THNSL2: variants seen among roughly 807,000 people sequenced by gnomAD.
THNSL2 encodes the protein threonine synthase-like 2.
THNSL2 carries 34 observed loss-of-function variants against 40.0 expected under a neutral mutation model. That is an observed-to-expected ratio of 0.85 (90% CI 0.65 to 1.13). THNSL2 has a LOEUF of 1.13. Ranked by LOEUF, THNSL2 falls within the 50% of genes most tolerant of loss-of-function variation. The pLI is 0.00. For missense variants in THNSL2, 537 were observed against 608.8 expected (o/e 0.88, Z 1.24); for synonymous variants, 241 against 247.5 (o/e 0.97, Z 0.25).
chr2:88,178,078 T>C (rs1047712617), intron 4 of THNSL2, among the ~76,000 whole-genome samples: 4 of 151,838 alleles, frequency 2.6e-5, no homozygotes, highest in Non-Finnish European at 5.9e-5. Context: ...CATACTCGGG[T>C]ATCAGATAAG....
At position 88,170,370 on chromosome 2, in the gene THNSL2, G is replaced by A. The variant is rs574134685; in HGVS notation, c.-99G>A. The A allele has an allele frequency of 4.7e-5, 7 of 149,676 alleles. 1 individual carries two copies. The highest frequency in any genetic ancestry group is 4.6e-4 in the Admixed American group (7 of 15,094). The allele number at this position is 149,676 out of a possible 1,614,324, so 9.3% of individuals were successfully genotyped here. A position where few individuals can be genotyped will look rare whatever the true frequency, so the allele number is the denominator to read the frequency against. Reference sequence around the variant, plus strand: ...CACCGTCAGGGACGCGGACTCGGGAGTGCGCACATTCGCAGCCCGGGCAGC... The same window carrying A: ...CACCGTCAGGGACGCGGACTCGGGAATGCGCACATTCGCAGCCCGGGCAGC... On this transcript the variant is annotated 5_prime_UTR_variant, in exon 1 of 9. It adds an upstream start codon to the 5' untranslated region. Coordinates refer to ENST00000674334, the MANE Select transcript of THNSL2 (RefSeq NM_018271.5).
At position 88,178,950 on chromosome 2, in the gene THNSL2, G is replaced by A. The variant is rs770991533; in HGVS notation, c.739G>A (p.Asp247Asn). ...TTACTTCCAGTGTACGCCATCCTTGGACACACATCCCCTACCCCTGGTGGA... is the reference window on the plus strand; with the variant it reads ...TTACTTCCAGTGTACGCCATCCTTGAACACACATCCCCTACCCCTGGTGGA... ...FAYFQCTPSL[D>N]THPLPLVEVV... Residue 247 changes from aspartate to asparagine, a missense_variant, in exon 5 of 9, where the codon GAC becomes AAC. Physicochemically the swap from Asp to Asn is conservative, Grantham distance 23 (BLOSUM62 1). Transcript: ENST00000674334. 20 of 1,614,108 alleles carry A rather than the reference G, an allele frequency of 1.2e-5. No individual in the cohort carries two copies. Among genetic ancestry groups the A allele is most frequent in the Non-Finnish European group, 1.2e-5 (14 of 1,180,054 alleles).
chr2:88,175,103 G>A (rs1455106315), intron 3 of THNSL2, 146 bp from the exon 4 acceptor site: 1 of 937,532 alleles, frequency 1.1e-6, no homozygotes, highest in Non-Finnish European at 1.6e-6. Context: ...TGGATCCATG[G>A]ACCCTAGGTG....
chr2:88,181,072 C>A, intron 5 of THNSL2, among the ~76,000 whole-genome samples: 1 of 151,534 alleles, frequency 6.6e-6, no homozygotes. Context: ...TGATGCACTC[C>A]TAGTCATTCC....
intron 5 of THNSL2, among the ~76,000 whole-genome samples, chr2:88,181,593 G>A (rs1181646478): frequency 7.5e-6 from 1 of 134,058 alleles, no homozygotes; most frequent in African/African-American, 2.8e-5. Flanking sequence ...GTGTGTGTGT[G>A]TCTGTAACAG....
chr2:88,175,439 C>G (rs1676824120), intron 4 of THNSL2, 38 bp downstream of exon 4: 5 of 1,604,354 alleles, frequency 3.1e-6, no homozygotes, highest in Non-Finnish European at 4.3e-6. Context: ...ACAGTGCAGC[C>G]CTGCCTTAAT....
At chr2:88,175,104 A>G in intron 3 of THNSL2, 145 bp from the exon 4 acceptor site, 1 of 941,968 alleles carries the variant, frequency 1.1e-6, no homozygotes, top group Non-Finnish European at 1.6e-6. Context: ...GGATCCATGG[A>G]CCCTAGGTGG....
intron 1 of THNSL2, among the ~76,000 whole-genome samples, chr2:88,170,916 C>G (rs1676300210): frequency 6.6e-6 from 1 of 152,132 alleles, no homozygotes; most frequent in Non-Finnish European, 1.5e-5. Flanking sequence ...CTGAGGGGCG[C>G]CTGTCTACCC....
In THNSL2 at chr2:88,185,967, G is replaced by C; in HGVS notation, c.1299G>C (p.Leu433=). Residue 433 remains leucine (L), a synonymous_variant, in exon 9 of 9, where the codon CTG becomes CTC. Transcript: ENST00000674334. Reference sequence around the variant, plus strand: ...CGGAAGCTGTCCTGGCTGCTGGCCTGACCCCTGAGACTCCCGCGGAGATCG... The same window carrying C: ...CGGAAGCTGTCCTGGCTGCTGGCCTCACCCCTGAGACTCCCGCGGAGATCG... ...KFPEAVLAAG[L]TPETPAEIVA... 6.2e-7 allele frequency: 1 copy of C among 1,613,094 alleles called. No homozygotes were observed. Among genetic ancestry groups the C allele is most frequent in the Non-Finnish European group, 8.5e-7 (1 of 1,179,780 alleles).
At position 88,170,419 on chromosome 2, in the gene THNSL2, C is replaced by CA. The variant is rs1426744204; in HGVS notation, c.-50_-49insA. The CA allele has an allele frequency of 9.4e-3, 509 of 54,146 alleles. 3 individuals are homozygous for CA. Among genetic ancestry groups the CA allele is most frequent in the South Asian group, 0.027 (86 of 3,162 alleles). 3.4% of individuals were successfully genotyped at this position (54,146 alleles called of 1,614,324 possible). A position where few individuals can be genotyped will look rare whatever the true frequency, so the allele number is the denominator to read the frequency against. On this transcript the variant is annotated 5_prime_UTR_variant, in exon 1 of 9. Coordinates refer to ENST00000674334, the MANE Select transcript of THNSL2 (RefSeq NM_018271.5). ...GCCCTGCTGCGCACCGGGCCTCGCG[C>CA]CCCGCGCCCCGCGCCCCGCGCCCCG...
intron 5 of THNSL2, among the ~76,000 whole-genome samples, chr2:88,179,519 C>T (rs1677309594): frequency 6.6e-6 from 1 of 152,188 alleles, no homozygotes. Context: ...GGCTGTGGAG[C>T]AGTCCTTTAG....
chr2:88,174,716 G>T lies in THNSL2; in HGVS notation c.301G>T (p.Val101Leu), dbSNP rs1464134346. The T allele has an allele frequency of 1.9e-6, 3 of 1,614,202 alleles. No homozygotes were observed. The Admixed American group carries it at 5.0e-5, about 27-fold the overall frequency. The change falls in exon 3 of 9, where the codon GTG (valine) becomes TTG (leucine). Residue 101 changes from valine (V) to leucine (L), a missense_variant. Val to Leu is a conservative substitution (Grantham distance 32, BLOSUM62 1). Transcript: ENST00000674334. ...GTCCAGGTTGAGGAATGGGCTGAAC[G>T]TGTTGGAGCTGTGGCATGGCGTCAC... The part of the protein sequence containing the change: ...HLSRLRNGLN[V>L]LELWHGVTYA...
chr2:88,178,663 G>C, intron 4 of THNSL2, 120 bp from the exon 5 acceptor site: 1 of 946,684 alleles, frequency 1.1e-6, no homozygotes, highest in Non-Finnish European at 1.6e-6. Flanking sequence ...AGAAACCTAG[G>C]CTGCGCGAAG....
rs146940055 is a variant in THNSL2 at position 88,186,189 on chromosome 2, T to C, written c.*66T>C. On this transcript the variant is annotated 3_prime_UTR_variant, in exon 9 of 9. Transcript: ENST00000674334. The stretch of plus-strand genomic sequence containing the variant: ...AAGATGCACCTTCTGAGCTGCCTTG[T>C]GCACCCTCCCCATTAAGCGTAGGTT... 8.2e-6 allele frequency: 12 copies of C among 1,458,140 alleles called. No individual in the cohort carries two copies. The highest frequency in any genetic ancestry group is 1.1e-5 in the Non-Finnish European group (12 of 1,064,136). The allele number at this position is 1,458,140 out of a possible 1,614,324, so 90.3% of individuals were successfully genotyped here. A position where few individuals can be genotyped will look rare whatever the true frequency, so the allele number is the denominator to read the frequency against.
intron 8 of THNSL2, 92 bp downstream of exon 8, chr2:88,185,571 A>G (rs1006038253): frequency 2.6e-6 from 4 of 1,551,910 alleles, no homozygotes; most frequent in African/African-American, 2.7e-5. Flanking sequence ...AGGACTACGA[A>G]AAAATGGCTG....
rs1318116672 is a variant in THNSL2, at chr2:88,170,422, C to CGCGCCCCGCGCCCG, written c.-34_-33insGGCGCCCCGCGCCC. ...CTGCTGCGCACCGGGCCTCGCGCCC[C>CGCGCCCCGCGCCCG]GCGCCCCGCGCCCCGCGCCCCGCGC... On this transcript the variant is annotated 5_prime_UTR_variant, in exon 1 of 9. Coordinates refer to ENST00000674334, the MANE Select transcript of THNSL2 (RefSeq NM_018271.5). 1.1e-4 allele frequency: 6 copies of CGCGCCCCGCGCCCG among 53,812 alleles called. No individual in the cohort carries two copies. Among genetic ancestry groups the CGCGCCCCGCGCCCG allele is most frequent in the Non-Finnish European group, 1.7e-4 (3 of 17,298 alleles). The allele number at this position is 53,812 out of a possible 1,614,324, so 3.3% of individuals were successfully genotyped here.
At chr2:88,177,119 G>A (rs1290477816) in intron 4 of THNSL2, 1 of 152,200 alleles carries the variant, frequency 6.6e-6, no homozygotes, top group African/African-American at 2.4e-5. Flanking sequence ...TCTGATGAAT[G>A]CAATAAATCA....
rs1677236471 is a variant in THNSL2 at position 88,178,936 on chromosome 2, G to A, written c.725G>A (p.Cys242Tyr). Residue 242 changes from cysteine to tyrosine, a missense_variant, in exon 5 of 9, where the codon TGT becomes TAT. Transcript: ENST00000674334. ...CATCACTTCTTTGCTTACTTCCAGTGTACGCCATCCTTGGACACACATCCC... is the reference window on the plus strand; with the variant it reads ...CATCACTTCTTTGCTTACTTCCAGTATACGCCATCCTTGGACACACATCCC... ...MAHHFFAYFQCTPSLDTHPLP... is the reference protein window; with the variant it reads ...MAHHFFAYFQYTPSLDTHPLP... The A allele has an allele frequency of 3.1e-6, 5 of 1,614,246 alleles. No homozygotes were observed. In the South Asian group the frequency reaches 4.4e-5, roughly 14 times the overall value.
intron 7 of THNSL2, 178 bp downstream of exon 7, chr2:88,183,251 G>C: frequency 1.2e-6 from 1 of 851,406 alleles, no homozygotes; most frequent in Non-Finnish European, 1.7e-6. Flanking sequence ...AGGTAATAGA[G>C]AACATGGTTT....
Sources: allele counts gnomAD v4.1 joint callset (sites outside exome capture counted in the v4.1 genomes callset), GRCh38; gene constraint gnomAD v4.1.1; transcripts MANE v1.5; gene names NCBI Gene and HGNC (gene_info 2026-07-23, HGNC 2026-07-21).